The following DOCK8 variants were observed in gnomAD, a reference collection of about 807,000 sequenced individuals.
The protein encoded by DOCK8 is dedicator of cytokinesis protein 8.
In DOCK8, 141 loss-of-function variants were observed where a neutral mutation model predicts 245.6. The observed-to-expected ratio is 0.57, with a 90% CI of 0.50 to 0.66. The LOEUF is 0.66. Among genes scored for constraint, DOCK8 ranks in the 30% least tolerant of loss-of-function variants. DOCK8 has a pLI of 0.00. For synonymous variants in DOCK8, 1,168 were observed against 970.2 expected (o/e 1.20, Z -3.79); for missense variants, 2,965 against 2,603.4 (o/e 1.14, Z -3.02).
At chr9:401,392 G>A (rs2055093885) in intron 26 of DOCK8, among the ~76,000 whole-genome samples, 1 of 152,086 alleles carries the variant, frequency 6.6e-6, no homozygotes, top group African/African-American at 2.4e-5. Context: ...GAACTCCCAG[G>A]GGAGAGGAGG....
intron 1 of DOCK8, among the ~76,000 whole-genome samples, chr9:219,212 G>A (rs1299172061): frequency 6.6e-6 from 1 of 152,222 alleles, no homozygotes; most frequent in Non-Finnish European, 1.5e-5. Context: ...GCTCACGCCT[G>A]TAATCTCAGC....
At chr9:310,139 T>C (rs1183935856) in intron 5 of DOCK8, among the ~76,000 whole-genome samples, 2 of 152,036 alleles carry the variant, frequency 1.3e-5, no homozygotes, top group Non-Finnish European at 2.9e-5. Flanking sequence ...TGGTGGCGCG[T>C]GCCTGTAATC....
intron 23 of DOCK8, among the ~76,000 whole-genome samples, chr9:387,458 G>C (rs1321776291): frequency 6.7e-6 from 1 of 149,366 alleles, no homozygotes; most frequent in South Asian, 2.1e-4. Context: ...AAAAAAAAAA[G>C]AAAAAAAGGG....
At position 214,966 on chromosome 9, in the gene DOCK8, G is replaced by A. The variant is rs533265595; in HGVS notation, c.-11G>A. 4.2e-5 allele frequency: 68 copies of A among 1,601,678 alleles called. No homozygotes were observed. Among genetic ancestry groups the A allele is most frequent in the Non-Finnish European group, 5.3e-5 (62 of 1,176,556 alleles). ...CCGCGACCCTAGAAGCCACCGAACC[G>A]CCGGCGGGCCATGGCCACTCTGCCG... On this transcript the variant is annotated 5_prime_UTR_variant, in exon 1 of 48. Transcript: ENST00000432829.
intron 1 of DOCK8, among the ~76,000 whole-genome samples, chr9:234,409 C>T (rs557540437): frequency 7.2e-5 from 11 of 152,170 alleles, no homozygotes; most frequent in African/African-American, 2.2e-4. Flanking sequence ...ATCTTTGTGG[C>T]GTTCTCTGTA....
At chr9:348,983 T>C (rs1349172261) in intron 14 of DOCK8, among the ~76,000 whole-genome samples, 1 of 152,188 alleles carries the variant, frequency 6.6e-6, no homozygotes, top group African/African-American at 2.4e-5. Flanking sequence ...ATGGATGTCC[T>C]GTGGTTTCAG....
chr9:418,299 T>C, intron 30 of DOCK8, 92 bp downstream of exon 30: 1 of 1,553,928 alleles, frequency 6.4e-7, no homozygotes, highest in South Asian at 1.1e-5. Context: ...TGAGACAGAG[T>C]CTCACTCTGT....
intron 1 of DOCK8, among the ~76,000 whole-genome samples, chr9:266,129 T>A (rs911677670): frequency 6.6e-6 from 1 of 152,204 alleles, no homozygotes; most frequent in Non-Finnish European, 1.5e-5. Flanking sequence ...ACGAATTTTT[T>A]TCTCAAAATC....
Position 432,075 on chromosome 9 carries a change from A to C in DOCK8, c.4627-91A>C, listed in dbSNP as rs182605600. 3.9e-6 allele frequency: 5 copies of C among 1,295,924 alleles called. No homozygotes were observed. In the Admixed American group the frequency reaches 9.4e-5, roughly 24 times the overall value. The allele number at this position is 1,295,924 out of a possible 1,614,324, so 80.3% of individuals were successfully genotyped here. A position where few individuals can be genotyped will look rare whatever the true frequency, so the allele number is the denominator to read the frequency against. ...AGACGGGGCAAAGGAAACACTGAGG[A>C]GTTGTTTGTGTCTGGCCATGCTGCT... On this transcript the variant is annotated intron_variant, in intron 36 of 47. Coordinates refer to ENST00000432829, the MANE Select transcript of DOCK8 (RefSeq NM_203447.4).
At chr9:275,871 G>C (rs561187981) in intron 2 of DOCK8, among the ~76,000 whole-genome samples, 1 of 142,836 alleles carries the variant, frequency 7.0e-6, no homozygotes, top group Non-Finnish European at 1.5e-5. Flanking sequence ...TTACAGGCAT[G>C]AGCCACTGGG....
intron 36 of DOCK8, among the ~76,000 whole-genome samples, 188 bp from the exon 37 acceptor site, chr9:431,978 A>G (rs1300372291): frequency 1.3e-5 from 2 of 152,164 alleles, no homozygotes; most frequent in Non-Finnish European, 2.9e-5. Context: ...GTCCATTTAA[A>G]CCATTTAAAC....
intron 44 of DOCK8, among the ~76,000 whole-genome samples, chr9:447,004 C>G (rs147618104): frequency 3.0e-4 from 46 of 152,078 alleles, no homozygotes; most frequent in Non-Finnish European, 3.1e-4. Flanking sequence ...TTATTGGAGA[C>G]GGGACCTGCA....
intron 1 of DOCK8, chr9:220,717 CTTTT>C: frequency 3.3e-5 from 12 of 360,018 alleles, no homozygotes; most frequent in South Asian, 8.3e-5. Context: ...TAATTTCTTT[CTTTT>C]TTTTTTTTTT....
At chr9:460,322 T>C (rs2057765552) in intron 46 of DOCK8, 1 of 152,240 alleles carries the variant, frequency 6.6e-6, no homozygotes, top group South Asian at 2.1e-4. Flanking sequence ...AAGGAGAGTT[T>C]AGCTGATTTT....
chr9:339,653 T>C (rs1029130888), intron 13 of DOCK8, among the ~76,000 whole-genome samples: 2 of 152,224 alleles, frequency 1.3e-5, no homozygotes, highest in Non-Finnish European at 2.9e-5. Flanking sequence ...TAGCTGGGAC[T>C]ACAGGTGCCT....
intron 22 of DOCK8, 91 bp from the exon 23 acceptor site, chr9:386,240 A>G: frequency 1.8e-6 from 2 of 1,098,002 alleles, no homozygotes; most frequent in South Asian, 2.6e-5. Context: ...AAATATGTAT[A>G]AAAAAATGAA....
chr9:301,195 A>G (rs1315495743), intron 4 of DOCK8, among the ~76,000 whole-genome samples: 1 of 152,222 alleles, frequency 6.6e-6, no homozygotes, highest in African/African-American at 2.4e-5. Flanking sequence ...CCATACACAA[A>G]TCAATAAATG....
chr9:383,700 C>CAAAA (rs1164310899), intron 22 of DOCK8, among the ~76,000 whole-genome samples: 3,136 of 69,534 alleles, frequency 0.045, 304 homozygotes, highest in South Asian at 0.1. Flanking sequence ...GACTCCGTCT[C>CAAAA]AAAAAAAAAA....
intron 19 of DOCK8, among the ~76,000 whole-genome samples, chr9:376,574 C>A (rs1360128780): frequency 6.7e-6 from 1 of 149,580 alleles, no homozygotes; most frequent in Non-Finnish European, 1.5e-5. Flanking sequence ...TTGAAACTCT[C>A]ATCTGCTGTT....
Sources: allele counts gnomAD v4.1 joint callset (sites outside exome capture counted in the v4.1 genomes callset), GRCh38; gene constraint gnomAD v4.1.1; transcripts MANE v1.5; gene names NCBI Gene and HGNC (gene_info 2026-07-23, HGNC 2026-07-21).